The following ZFHX3 variants were observed in gnomAD, a reference collection of about 807,000 sequenced individuals.
ZFHX3 encodes the protein zinc finger homeobox protein 3.
Under a neutral mutation model 279.1 loss-of-function variants are expected in ZFHX3, and 42 were observed. That is an observed-to-expected ratio of 0.15 (90% confidence interval 0.12 to 0.19). The LOEUF (loss-of-function observed/expected upper bound fraction) is 0.19. Ranked by LOEUF, ZFHX3 falls within the 10% of genes least tolerant of loss-of-function variation. The pLI is 1.00. For missense variants in ZFHX3, 4,981 were observed against 4,754.0 expected, an observed-to-expected ratio of 1.05 and a Z score of -1.40; for synonymous variants, 2,293 against 1,957.8, an observed-to-expected ratio of 1.17 and a Z score of -4.52.
In ZFHX3 at chr16:73,406,264, T is replaced by C. The variant is rs188090724; in HGVS notation, c.-1291+49739A>G. ...TTCTGGTTGTGGACGTAGAACTTAT[T>C]GACCATGTGGGTTTTCCTATCCTTT... On this transcript the variant is annotated intron_variant, in intron 3 of 17. Coordinates refer to the ZFHX3 transcript ENST00000641206. Among the ~76,000 whole-genome samples the C allele has an allele frequency of 1.7e-4, 26 of 152,354 alleles. No homozygotes were observed. The East Asian group carries it at 4.8e-3, about 28-fold the overall frequency.
At chr16:72,899,170 C>A (rs935500331) in intron 3 of ZFHX3, among the ~76,000 whole-genome samples, 2 of 152,150 alleles carry the variant, frequency 1.3e-5, no homozygotes, top group African/African-American at 4.8e-5. Context: ...AAAATAAAAG[C>A]CTCCTGATAT....
intron 5 of ZFHX3, among the ~76,000 whole-genome samples, chr16:73,248,501 T>C (rs759167851): frequency 6.6e-6 from 1 of 151,790 alleles, no homozygotes; most frequent in African/African-American, 2.4e-5. Context: ...TATGTGTCTA[T>C]GTGTGTGTGT....
intron 5 of ZFHX3, among the ~76,000 whole-genome samples, chr16:72,829,011 C>T (rs2036999785): frequency 6.7e-6 from 1 of 149,048 alleles, no homozygotes; most frequent in Admixed American, 6.7e-5. Context: ...TTTTTTTTTC[C>T]CCGAGATAGA....
At chr16:73,303,552 C>T (rs1338423208) in intron 4 of ZFHX3, among the ~76,000 whole-genome samples, 1 of 152,116 alleles carries the variant, frequency 6.6e-6, no homozygotes, top group African/African-American at 2.4e-5. Flanking sequence ...TGATGTCAGT[C>T]TCAACAAAAA....
intron 2 of ZFHX3, among the ~76,000 whole-genome samples, chr16:73,582,633 C>T (rs1477434409): frequency 6.6e-6 from 1 of 151,788 alleles, no homozygotes; most frequent in Non-Finnish European, 1.5e-5. Flanking sequence ...CAGCACCACA[C>T]CCAGCAAATT....
intron 1 of ZFHX3, among the ~76,000 whole-genome samples, chr16:73,054,072 T>C (rs1965501421): frequency 6.7e-6 from 1 of 148,278 alleles, no homozygotes; most frequent in Admixed American, 6.7e-5. Flanking sequence ...GGGGGAGGAG[T>C]GATAAAACCA....
At chr16:73,535,952 G>A (rs2019894327) in intron 2 of ZFHX3, among the ~76,000 whole-genome samples, 1 of 151,964 alleles carries the variant, frequency 6.6e-6, no homozygotes, top group Admixed American at 6.6e-5. Context: ...TCTATCTCCT[G>A]ACCTCAGGAT....
intron 1 of ZFHX3, among the ~76,000 whole-genome samples, chr16:73,779,903 C>G (rs550180895): frequency 1.8e-4 from 27 of 151,780 alleles, no homozygotes; most frequent in South Asian, 1.0e-3. Flanking sequence ...CTTTTTAGTA[C>G]AGATGGGGTT....
rs1174259263 is a variant in ZFHX3, at chr16:73,046,007, T to A, written c.-50+1745A>T. 3.3e-5 allele frequency among the ~76,000 whole-genome samples: 5 copies of A among 152,144 alleles called. No individual in the cohort carries two copies. The East Asian group carries it at 7.7e-4, about 23-fold the overall frequency. Reference sequence around the variant, plus strand: ...GACCCCAGCCCACTCTGAGAGGCACTTTACATGCTTTCTGAAAACTATGCT... The same window carrying A: ...GACCCCAGCCCACTCTGAGAGGCACATTACATGCTTTCTGAAAACTATGCT... On this transcript the variant is annotated intron_variant, in intron 1 of 9. Coordinates refer to ENST00000268489, the MANE Select transcript of ZFHX3 (RefSeq NM_006885.4).
intron 1 of ZFHX3, among the ~76,000 whole-genome samples, chr16:73,698,361 C>G (rs2053216585): frequency 6.6e-6 from 1 of 152,016 alleles, no homozygotes; most frequent in Non-Finnish European, 1.5e-5. Context: ...CATTAGAACA[C>G]CATAGTAAGA....
At chr16:73,751,978 G>T (rs772281558) in intron 1 of ZFHX3, among the ~76,000 whole-genome samples, 2 of 152,178 alleles carry the variant, frequency 1.3e-5, no homozygotes, top group African/African-American at 4.8e-5. Flanking sequence ...TTTGGAACAG[G>T]GATTCTGAGA....
chr16:73,219,157 G>C (rs988180997), intron 5 of ZFHX3, among the ~76,000 whole-genome samples: 21 of 152,192 alleles, frequency 1.4e-4, no homozygotes, highest in African/African-American at 4.8e-4. Flanking sequence ...ATATTCCACT[G>C]TATGGATAGA....
upstream of ZFHX3, among the ~76,000 whole-genome samples, chr16:73,063,778 G>A (rs1195172120): frequency 6.6e-6 from 1 of 152,152 alleles, no homozygotes; most frequent in Non-Finnish European, 1.5e-5. Flanking sequence ...TCTTTCTCAG[G>A]ATCTTGCTTT....
At chr16:73,661,497 G>A (rs576680433) in intron 2 of ZFHX3, among the ~76,000 whole-genome samples, 2 of 152,294 alleles carry the variant, frequency 1.3e-5, no homozygotes, top group South Asian at 4.2e-4. Context: ...GAGGCAGGCA[G>A]ATCAGTTGAG....
intron 1 of ZFHX3, among the ~76,000 whole-genome samples, chr16:73,868,764 T>G (rs1962094703): frequency 6.6e-6 from 1 of 150,464 alleles, no homozygotes; most frequent in African/African-American, 2.5e-5. Context: ...GAAGGGTTTC[T>G]TTCTTTCTTT....
intron 2 of ZFHX3, among the ~76,000 whole-genome samples, chr16:73,476,579 A>G (rs1015265957): frequency 1.3e-5 from 2 of 152,218 alleles, no homozygotes; most frequent in African/African-American, 4.8e-5. Context: ...AACCACTACA[A>G]TTTTTAATTG....
intron 1 of ZFHX3, among the ~76,000 whole-genome samples, chr16:73,010,845 C>T (rs1222195402): frequency 6.6e-6 from 1 of 152,184 alleles, no homozygotes; most frequent in Non-Finnish European, 1.5e-5. Flanking sequence ...TGCTCTGTCA[C>T]CCAGGCTGGA....
intron 1 of ZFHX3, among the ~76,000 whole-genome samples, chr16:73,821,551 G>C (rs1597131199): frequency 6.6e-6 from 1 of 152,200 alleles, no homozygotes; most frequent in African/African-American, 2.4e-5. Context: ...GGACTGTTAT[G>C]ACAACTTGAG....
chr16:73,173,959 C>T (rs1031557248), intron 5 of ZFHX3, among the ~76,000 whole-genome samples: 7 of 152,116 alleles, frequency 4.6e-5, no homozygotes, highest in South Asian at 2.1e-4. Flanking sequence ...CATTCGGTCC[C>T]TGTTTATCTT....
Sources: gnomAD v4.1 joint callset for allele counts (sites outside exome capture counted in the v4.1 genomes callset) on GRCh38, gnomAD v4.1.1 for gene constraint, MANE v1.5 for transcripts, NCBI Gene and HGNC (gene_info 2026-07-23, HGNC 2026-07-21) for gene names.